The following FRMPD4 variants were observed in gnomAD, a reference collection of about 807,000 sequenced individuals.
FRMPD4 encodes FERM and PDZ domain-containing protein 4.
In FRMPD4, 22 loss-of-function variants were observed where a neutral mutation model predicts 94.1. The ratio of observed to expected loss-of-function variants is 0.23; its 90% confidence interval spans 0.17 to 0.33. The LOEUF (loss-of-function observed/expected upper bound fraction) is 0.33, where lower values mean the gene tolerates loss of function less well. FRMPD4 is among the 10% of genes least tolerant of loss of function. The pLI, the probability that FRMPD4 is intolerant of heterozygous loss-of-function variation, is 1.00. For synonymous variants in FRMPD4, 631 were observed against 548.6 expected, an observed-to-expected ratio of 1.15 and a Z score of -2.10; for missense variants, 1,111 against 1,339.9, an observed-to-expected ratio of 0.83 and a Z score of 2.67.
chrX:12,083,667 G>A (rs898446396), intron 3 of FRMPD4, among the ~76,000 whole-genome samples: 1 of 112,676 alleles, frequency 8.9e-6, no homozygotes, highest in Non-Finnish European at 1.9e-5. Context: ...CCAGGAGAGA[G>A]GCTGTACCCT....
chrX:12,266,966 C>T (rs2054286349), intron 1 of FRMPD4, among the ~76,000 whole-genome samples: 1 of 111,961 alleles, frequency 8.9e-6, no homozygotes, highest in Non-Finnish European at 1.9e-5. Flanking sequence ...CATAGCTTAG[C>T]CTAGCTTACC....
At position 12,689,085 on chromosome X, in the gene FRMPD4, C is replaced by G. The variant is rs540588394; in HGVS notation, c.682-1110C>G. 3.6e-5 allele frequency among the ~76,000 whole-genome samples: 4 copies of G among 111,313 alleles called. No homozygotes were observed. The South Asian group carries it at 1.5e-3, about 43-fold the overall frequency. ...CCTATTGTGACAACCAAAAATGTCT[C>G]CAGAAATTTCCAAATGTTGCACTGG... On this transcript the variant is annotated intron_variant, in intron 7 of 16. Coordinates refer to ENST00000675598, the MANE Select transcript of FRMPD4 (RefSeq NM_001368397.1).
chrX:12,639,432 G>C (rs2059473230), intron 4 of FRMPD4, among the ~76,000 whole-genome samples: 5 of 112,104 alleles, frequency 4.5e-5, no homozygotes, highest in African/African-American at 1.3e-4. Context: ...TAATGAAGAA[G>C]AATCAATCAT....
intron 1 of FRMPD4, among the ~76,000 whole-genome samples, chrX:12,382,478 T>G (rs1259676245): frequency 2.9e-5 from 2 of 68,877 alleles, no homozygotes; most frequent in African/African-American, 1.0e-4. Context: ...TCTCCTAGCA[T>G]AGCATAGCAT....
chrX:11,886,771 A>G (rs1032034199), intron 3 of FRMPD4, among the ~76,000 whole-genome samples: 1 of 110,279 alleles, frequency 9.1e-6, no homozygotes, highest in African/African-American at 3.3e-5. Flanking sequence ...CTATTTCTCC[A>G]TTTAATTTTA....
intron 1 of FRMPD4, among the ~76,000 whole-genome samples, chrX:12,315,908 A>C (rs2055107029): frequency 9.0e-6 from 1 of 111,540 alleles, no homozygotes; most frequent in Non-Finnish European, 1.9e-5. Context: ...ACTGGCATCT[A>C]GTGGGCAAAG....
intron 1 of FRMPD4, among the ~76,000 whole-genome samples, chrX:12,239,659 T>A (rs2057107200): frequency 8.9e-6 from 1 of 112,044 alleles, no homozygotes. Flanking sequence ...TAGTTCCAGC[T>A]GCTATAATAG....
At chrX:12,278,270 C>T (rs756301509) in intron 1 of FRMPD4, among the ~76,000 whole-genome samples, 64 of 112,021 alleles carry the variant, frequency 5.7e-4, no homozygotes, top group African/African-American at 1.9e-3. Context: ...CAGGAAGTGC[C>T]GGGGAATGAT....
intron 1 of FRMPD4, among the ~76,000 whole-genome samples, chrX:12,152,116 G>A (rs955718148): frequency 8.9e-6 from 1 of 111,890 alleles, no homozygotes; most frequent in Non-Finnish European, 1.9e-5. Flanking sequence ...TTGAGTAATG[G>A]TAGTTGGAAC....
At chrX:12,503,104 T>G (rs1325487976) in intron 2 of FRMPD4, among the ~76,000 whole-genome samples, 2 of 112,250 alleles carry the variant, frequency 1.8e-5, no homozygotes, top group Non-Finnish European at 3.8e-5. Flanking sequence ...ACTTTGGTTT[T>G]GTAAATTACA....
At chrX:12,605,569 T>C (rs969000551) in intron 2 of FRMPD4, among the ~76,000 whole-genome samples, 1 of 111,261 alleles carries the variant, frequency 9.0e-6, no homozygotes, top group African/African-American at 3.3e-5. Flanking sequence ...ACAAAGTCTT[T>C]CCAAGAGCCT....
chrX:12,360,612 A>C (rs953665903), intron 1 of FRMPD4, among the ~76,000 whole-genome samples: 3 of 111,833 alleles, frequency 2.7e-5, no homozygotes, highest in Non-Finnish European at 3.8e-5. Context: ...AGGCCAACTG[A>C]TACAAATTCC....
At chrX:12,430,730 G>A (rs1292932303) in intron 1 of FRMPD4, among the ~76,000 whole-genome samples, 1 of 112,064 alleles carries the variant, frequency 8.9e-6, no homozygotes, top group African/African-American at 3.2e-5. Flanking sequence ...TTACCCTTTT[G>A]AGTTTCACAT....
chrX:12,661,572 A>G (rs1020957074), intron 4 of FRMPD4, among the ~76,000 whole-genome samples: 3 of 112,223 alleles, frequency 2.7e-5, no homozygotes, highest in Non-Finnish European at 5.6e-5. Flanking sequence ...ATGACTTAGA[A>G]ATGACAAATA....
At chrX:12,305,594 G>A (rs978444437) in intron 1 of FRMPD4, among the ~76,000 whole-genome samples, 2 of 101,096 alleles carry the variant, frequency 2.0e-5, no homozygotes, top group African/African-American at 7.4e-5. Flanking sequence ...GTCTCACTTT[G>A]TCACCCAGGC....
chrX:12,178,282 T>G (rs1038347543), intron 1 of FRMPD4, among the ~76,000 whole-genome samples: 6 of 111,378 alleles, frequency 5.4e-5, no homozygotes, highest in African/African-American at 1.6e-4. Flanking sequence ...ACATTTCTGT[T>G]GTTTATAAAT....
chrX:12,503,569 A>G (rs562957906), intron 2 of FRMPD4, among the ~76,000 whole-genome samples: 1 of 112,088 alleles, frequency 8.9e-6, no homozygotes, highest in Admixed American at 9.5e-5. Context: ...AATCTATTCC[A>G]TGGTCAATGT....
chrX:12,549,472 A>G (rs1434980687), intron 2 of FRMPD4, among the ~76,000 whole-genome samples: 2 of 112,778 alleles, frequency 1.8e-5, no homozygotes, highest in East Asian at 5.5e-4. Context: ...TACATTCTAT[A>G]GCTGAAGTTA....
intron 1 of FRMPD4, among the ~76,000 whole-genome samples, chrX:12,436,119 C>T (rs1299516032): frequency 9.0e-6 from 1 of 110,860 alleles, no homozygotes; most frequent in East Asian, 2.8e-4. Flanking sequence ...AATTCTCGTG[C>T]GTCAGCCTCC....
Sources: allele counts gnomAD v4.1 joint callset (sites outside exome capture counted in the v4.1 genomes callset), GRCh38; gene constraint gnomAD v4.1.1; transcripts MANE v1.5; gene names NCBI Gene and HGNC (gene_info 2026-07-23, HGNC 2026-07-21).